The following EPSTI1 variants were observed in gnomAD, a reference collection of about 807,000 sequenced individuals.
The protein encoded by EPSTI1 is epithelial stromal interaction 1, also known as epithelial-stromal interaction protein 1.
EPSTI1 carries 66 observed loss-of-function variants against 49.9 expected under a neutral mutation model. The ratio of observed to expected loss-of-function variants is 1.32; its 90% confidence interval spans 1.08 to 1.62. The LOEUF is 1.62. Among genes scored for constraint, EPSTI1 ranks in the 40% most tolerant of loss-of-function variants. The pLI is 0.00. For missense variants in EPSTI1, 394 were observed against 365.5 expected, an observed-to-expected ratio of 1.08 and a Z score of -0.64; for synonymous variants, 137 against 130.7, an observed-to-expected ratio of 1.05 and a Z score of -0.33.
At chr13:42,923,144 G>A (rs1594653967) in intron 7 of EPSTI1, among the ~76,000 whole-genome samples, 1 of 152,202 alleles carries the variant, frequency 6.6e-6, no homozygotes, top group African/African-American at 2.4e-5. Context: ...GAGAGGAAAG[G>A]ACTTTGTGCC....
intron 1 of EPSTI1, among the ~76,000 whole-genome samples, chr13:42,989,032 ATTTTTTT>A (rs74772535): frequency 1.9e-3 from 180 of 96,100 alleles, no homozygotes; most frequent in South Asian, 5.5e-3. Context: ...GATAATTTAA[ATTTTTTT>A]TTTTTTTTTT....
chr13:42,901,284 T>C (rs1405787469), intron 8 of EPSTI1, among the ~76,000 whole-genome samples: 2 of 152,166 alleles, frequency 1.3e-5, no homozygotes, highest in African/African-American at 4.8e-5. Flanking sequence ...ACTTCCTTGA[T>C]GAAAAGTATA....
chr13:42,959,345 T>A (rs954590389), intron 5 of EPSTI1, among the ~76,000 whole-genome samples: 2 of 152,242 alleles, frequency 1.3e-5, no homozygotes, highest in Non-Finnish European at 2.9e-5. Context: ...AAATGCATGA[T>A]GTAGGAGCCA....
rs146441522 is a variant in EPSTI1, at chr13:42,979,196, G to A, written c.189-8526C>T. On this transcript the variant is annotated intron_variant, in intron 1 of 10. Coordinates refer to ENST00000313624, the MANE Select transcript of EPSTI1 (RefSeq NM_033255.5). ...AAGAAAAGTTCTTTTACATTCTCCA[G>A]GTTCCAAAAGAGAAAAGGAAAAAAA... Among the ~76,000 whole-genome samples, 641 of 152,194 alleles carry A rather than the reference G, an allele frequency of 4.2e-3. 18 individuals carry two copies. The East Asian group carries it at 0.055, about 13-fold the overall frequency.
intron 6 of EPSTI1, chr13:42,933,862 A>T (rs560053497): frequency 3.3e-5 from 5 of 152,980 alleles, no homozygotes; most frequent in Admixed American, 3.3e-4. Flanking sequence ...CCCTGCATGG[A>T]CTTCCTGGTT....
At position 42,963,256 on chromosome 13, in the gene EPSTI1, TTC is replaced by T; in HGVS notation, c.486_487del (p.Lys163GlufsTer3). The T allele has an allele frequency of 1.9e-6, 3 of 1,612,226 alleles. No homozygotes were observed. The highest frequency in any genetic ancestry group is 2.5e-6 in the Non-Finnish European group (3 of 1,178,578). Reference sequence around the variant, plus strand: ...TGAACTAATCCTCCTCCTCCTTACCTTCTCTCTCTGAATTGCCTTCATTTTTT... The same window carrying T: ...TGAACTAATCCTCCTCCTCCTTACCTTCTCTCTGAATTGCCTTCATTTTTT... On this transcript the variant is annotated frameshift_variant and splice_region_variant, in exon 5 of 11. Transcript: ENST00000313624. LOFTEE classifies it high-confidence loss of function.
chr13:42,905,130 G>A (rs1046507063), intron 8 of EPSTI1, among the ~76,000 whole-genome samples: 12 of 152,076 alleles, frequency 7.9e-5, no homozygotes, highest in African/African-American at 2.4e-4. Flanking sequence ...ATAAAAGAGC[G>A]AAACACCACA....
chr13:42,989,120 C>A (rs1263116594), intron 1 of EPSTI1, among the ~76,000 whole-genome samples: 1 of 136,308 alleles, frequency 7.3e-6, no homozygotes, highest in African/African-American at 2.8e-5. Context: ...ATTGGCTTTC[C>A]AAAGTGCTGA....
chr13:42,989,235 C>T (rs1277447430), intron 1 of EPSTI1, among the ~76,000 whole-genome samples: 1 of 151,844 alleles, frequency 6.6e-6, no homozygotes, highest in Admixed American at 6.6e-5. Context: ...CAGCATAGTA[C>T]TTTACCAGGA....
chr13:42,949,292 T>A (rs2039020383), intron 6 of EPSTI1, among the ~76,000 whole-genome samples: 3 of 152,274 alleles, frequency 2.0e-5, no homozygotes, highest in Non-Finnish European at 4.4e-5. Flanking sequence ...CTTTAAGGGT[T>A]GAAAAGAGAG....
intron 8 of EPSTI1, among the ~76,000 whole-genome samples, chr13:42,904,945 G>C (rs1031699250): frequency 6.6e-6 from 1 of 152,114 alleles, no homozygotes; most frequent in Admixed American, 6.5e-5. Flanking sequence ...GCAAGAAAAG[G>C]ATGCTTTACT....
At chr13:42,943,063 C>T (rs976930016) in intron 6 of EPSTI1, among the ~76,000 whole-genome samples, 1 of 152,218 alleles carries the variant, frequency 6.6e-6, no homozygotes, top group Non-Finnish European at 1.5e-5. Flanking sequence ...CACAATTGTT[C>T]TGGTATCTAT....
At chr13:42,902,995 A>G (rs1200231338) in intron 8 of EPSTI1, among the ~76,000 whole-genome samples, 2 of 152,182 alleles carry the variant, frequency 1.3e-5, no homozygotes, top group Non-Finnish European at 2.9e-5. Flanking sequence ...GAATATATAT[A>G]ACCTAAGCAC....
At chr13:42,891,847 G>A (rs2037044363) in intron 10 of EPSTI1, among the ~76,000 whole-genome samples, 1 of 152,142 alleles carries the variant, frequency 6.6e-6, no homozygotes, top group Non-Finnish European at 1.5e-5. Context: ...ACAGGGAGAG[G>A]CGAAGAGTAA....
At chr13:42,891,221 CAA>C (rs1449226122) in intron 10 of EPSTI1, among the ~76,000 whole-genome samples, 6 of 152,036 alleles carry the variant, frequency 3.9e-5, no homozygotes, top group Non-Finnish European at 8.8e-5. Context: ...AATTTTAATT[CAA>C]AGTCATGTTT....
intron 5 of EPSTI1, among the ~76,000 whole-genome samples, chr13:42,962,344 G>C (rs1311232807): frequency 6.6e-6 from 1 of 152,116 alleles, no homozygotes; most frequent in Non-Finnish European, 1.5e-5. Context: ...GCTTGTTCAA[G>C]GGCCATATTT....
At chr13:42,951,286 A>T (rs1442727672) in intron 6 of EPSTI1, among the ~76,000 whole-genome samples, 1 of 152,228 alleles carries the variant, frequency 6.6e-6, no homozygotes, top group Non-Finnish European at 1.5e-5. Flanking sequence ...TATATTTCTA[A>T]CTACATACTC....
At chr13:42,899,567 G>A (rs534923883) in intron 9 of EPSTI1, among the ~76,000 whole-genome samples, 2 of 152,178 alleles carry the variant, frequency 1.3e-5, no homozygotes, top group African/African-American at 4.8e-5. Flanking sequence ...TAGTGACAGT[G>A]GGAAGGTTAA....
chr13:42,895,686 CCTTT>C (rs1490073684), intron 9 of EPSTI1, among the ~76,000 whole-genome samples: 2 of 152,114 alleles, frequency 1.3e-5, no homozygotes, highest in Non-Finnish European at 2.9e-5. Flanking sequence ...GTTTTGTGGA[CCTTT>C]CTGTGTTTCA....
Sources: allele counts gnomAD v4.1 joint callset (sites outside exome capture counted in the v4.1 genomes callset), GRCh38; gene constraint gnomAD v4.1.1; transcripts MANE v1.5; gene names NCBI Gene and HGNC (gene_info 2026-07-23, HGNC 2026-07-21).